The following PRKN variants were observed in gnomAD, a reference collection of about 807,000 sequenced individuals.
The protein encoded by PRKN is parkin RBR E3 ubiquitin protein ligase.
In PRKN, 56 loss-of-function variants were observed where a neutral mutation model predicts 59.5. The ratio of observed to expected loss-of-function variants is 0.94; its 90% CI spans 0.76 to 1.18. PRKN has a LOEUF of 1.18. PRKN is among the 50% of genes most tolerant of loss of function. PRKN has a pLI of 0.00. For missense variants in PRKN, 657 were observed against 596.4 expected, an observed-to-expected ratio of 1.10 and a Z score of -1.06; for synonymous variants, 250 against 222.1, an observed-to-expected ratio of 1.13 and a Z score of -1.12.
At chr6:162,291,569 C>T (rs889186645) in intron 2 of PRKN, among the ~76,000 whole-genome samples, 7 of 152,080 alleles carry the variant, frequency 4.6e-5, no homozygotes, top group Non-Finnish European at 1.0e-4. Flanking sequence ...CCACACATTT[C>T]GAGATGCCTC....
At chr6:162,727,254 G>T in intron 1 of PRKN, 1 of 233,776 alleles carries the variant, frequency 4.3e-6, no homozygotes, top group South Asian at 6.2e-5. Context: ...GATGGGTCCT[G>T]AACCGCACCA....
At chr6:161,380,772 C>T (rs748313957) in intron 10 of PRKN, among the ~76,000 whole-genome samples, 1 of 152,122 alleles carries the variant, frequency 6.6e-6, no homozygotes, top group South Asian at 2.1e-4. Context: ...TAATTCTCAA[C>T]ATTTAAAAAT....
intron 6 of PRKN, among the ~76,000 whole-genome samples, chr6:161,911,484 C>T (rs1041997296): frequency 6.6e-6 from 1 of 152,194 alleles, no homozygotes; most frequent in African/African-American, 2.4e-5. Flanking sequence ...AGAACTCCTG[C>T]AACTCGCCAG....
chr6:162,524,386 T>C (rs1391628167), intron 1 of PRKN, among the ~76,000 whole-genome samples: 1 of 152,214 alleles, frequency 6.6e-6, no homozygotes, highest in Non-Finnish European at 1.5e-5. Context: ...TTATTGGCCT[T>C]GGAATTACTT....
At chr6:161,847,266 C>T (rs1405498529) in intron 6 of PRKN, among the ~76,000 whole-genome samples, 2 of 152,010 alleles carry the variant, frequency 1.3e-5, no homozygotes, top group Non-Finnish European at 2.9e-5. Flanking sequence ...GGAGATGGCG[C>T]CACTGTAGTC....
chr6:161,531,991 A>T (rs73593407), intron 9 of PRKN, among the ~76,000 whole-genome samples: 2,656 of 152,284 alleles, frequency 0.017, 73 homozygotes, highest in African/African-American at 0.061. Context: ...TGCCAAAAGC[A>T]TTTAATAAAG....
In PRKN at chr6:161,448,252, G is replaced by A. The variant is rs1468373551; in HGVS notation, c.1084-61375C>T. 6.6e-6 allele frequency among the ~76,000 whole-genome samples: 1 copy of A among 152,084 alleles called. No homozygotes were observed. Among genetic ancestry groups the A allele is most frequent in the Non-Finnish European group, 1.5e-5 (1 of 68,028 alleles). On this transcript the variant is annotated intron_variant, in intron 9 of 11. Transcript: ENST00000366898. This position sits in a 1 kb window ranked among gnomAD's most constrained non-coding sequence, Gnocchi z 5.1. The stretch of plus-strand genomic sequence containing the variant: ...AATATCAGAAATTCATCATTCTTTG[G>A]TGTCTGCGTATCTCTGAATGGCCAC...
At chr6:162,395,252 T>C (rs62430716) in intron 2 of PRKN, among the ~76,000 whole-genome samples, 3,006 of 152,296 alleles carry the variant, frequency 0.02, 45 homozygotes, top group Non-Finnish European at 0.031. Context: ...AGTAACAATA[T>C]GTGCTAGATT....
chr6:162,527,001 TAA>T (rs980066278), intron 1 of PRKN, among the ~76,000 whole-genome samples: 1 of 150,274 alleles, frequency 6.7e-6, no homozygotes, highest in African/African-American at 2.4e-5. Context: ...TGAGCTTTTC[TAA>T]GAGAGAAAAC....
At chr6:162,500,796 T>C (rs1472028584) in intron 1 of PRKN, among the ~76,000 whole-genome samples, 2 of 152,206 alleles carry the variant, frequency 1.3e-5, no homozygotes, top group East Asian at 3.8e-4. Context: ...GCCTTAAATG[T>C]ACCTCAAAAA....
chr6:161,771,380 A>G (rs1194499718), intron 7 of PRKN, among the ~76,000 whole-genome samples: 4,544 of 140,634 alleles, frequency 0.032, 352 homozygotes, highest in African/African-American at 0.12. Flanking sequence ...AATAAAATAA[A>G]ATAAAATAAA....
At chr6:161,707,357 C>T (rs13220690) in intron 7 of PRKN, among the ~76,000 whole-genome samples, 69,206 of 151,888 alleles carry the variant, frequency 0.46, 16,178 homozygotes, top group Admixed American at 0.61. Context: ...GTTGAGGAAA[C>T]GCCGGTATGC....
chr6:162,249,756 C>T (rs1236320215), intron 3 of PRKN, among the ~76,000 whole-genome samples: 5 of 152,098 alleles, frequency 3.3e-5, no homozygotes, highest in Non-Finnish European at 7.3e-5. Context: ...GGTTAATTAA[C>T]AGTCTCATTG....
chr6:162,619,088 TTGAAA>T (rs1455929132), intron 1 of PRKN, among the ~76,000 whole-genome samples: 1 of 152,066 alleles, frequency 6.6e-6, no homozygotes, highest in African/African-American at 2.4e-5. Context: ...TTTTAGACTC[TTGAAA>T]TAGTGCCTCA....
chr6:161,821,824 C>CTGCAACTTCT (rs1430928677), intron 6 of PRKN, among the ~76,000 whole-genome samples: 1 of 133,010 alleles, frequency 7.5e-6, no homozygotes, highest in Non-Finnish European at 1.5e-5. Context: ...TCTCGGCTCA[C>CTGCAACTTCT]TGCAACTTCT....
intron 2 of PRKN, among the ~76,000 whole-genome samples, chr6:162,344,181 G>T (rs942675796): frequency 1.7e-4 from 26 of 152,178 alleles, no homozygotes; most frequent in Non-Finnish European, 7.4e-5. Flanking sequence ...TTAAGACTTG[G>T]TTTTTTTGAA....
At chr6:162,581,622 G>A (rs1362545085) in intron 1 of PRKN, among the ~76,000 whole-genome samples, 6 of 152,152 alleles carry the variant, frequency 3.9e-5, no homozygotes, top group Admixed American at 6.5e-5. Context: ...TTAACCAGGC[G>A]TAGTGACAGG....
intron 5 of PRKN, among the ~76,000 whole-genome samples, chr6:162,021,132 AT>A (rs1783141746): frequency 1.2e-4 from 1 of 8,516 alleles, no homozygotes; most frequent in Non-Finnish European, 1.7e-4. Flanking sequence ...ATATATATAT[AT>A]ATATATATAT....
Position 161,373,985 on chromosome 6 carries a change from TC to T in PRKN, c.1167+12808del, listed in dbSNP as rs1785546954. ...TTTCAAAGTGGCGTTCACTCCCTTT[TC>T]CCCCAGGTCATTTTATTTTTGTTTC... On this transcript the variant is annotated intron_variant, in intron 10 of 11. Transcript: ENST00000366898. This position sits in a 1 kb window ranked among gnomAD's most constrained non-coding sequence, Gnocchi z 4.8. Among the ~76,000 whole-genome samples, 1 of 152,154 alleles carries T rather than the reference TC, an allele frequency of 6.6e-6. No homozygotes were observed. Among genetic ancestry groups the T allele is most frequent in the South Asian group, 2.1e-4 (1 of 4,826 alleles).
Sources: allele counts gnomAD v4.1 joint callset (sites outside exome capture counted in the v4.1 genomes callset), GRCh38; gene constraint gnomAD v4.1.1; non-coding constraint Gnocchi (gnomAD v3.1); transcripts MANE v1.5; gene names NCBI Gene and HGNC (gene_info 2026-07-23, HGNC 2026-07-21).